Variants in SYNE3 observed in about 807,000 individuals in gnomAD.
The protein encoded by SYNE3 is spectrin repeat containing nuclear envelope family member 3, also known as nesprin-3.
A neutral mutation model predicts 111.2 loss-of-function variants in SYNE3; 100 were observed. The observed-to-expected ratio is 0.90, with a 90% CI of 0.77 to 1.06. The LOEUF (loss-of-function observed/expected upper bound fraction) is 1.06. SYNE3 is among the 50% of genes least tolerant of loss of function. The pLI, the probability that SYNE3 is intolerant of heterozygous loss-of-function variation, is 0.00. For missense variants in SYNE3, 1,160 were observed against 1,240.3 expected (o/e 0.94, Z 0.97); for synonymous variants, 547 against 533.9 (o/e 1.02, Z -0.34).
Position 95,457,302 on chromosome 14 carries a change from G to A in SYNE3, c.664C>T (p.His222Tyr), listed in dbSNP as rs547667137. The stretch of plus-strand genomic sequence containing the variant: ...TCCACACCTGCCTGGTACTCCTCAT[G>A]CTCCCGGGCCACCTGCTCCAGCAGA... The part of the protein sequence containing the change: ...VDLLEQVARE[H>Y]EEYQAGVDEF... Residue 222 changes from histidine (H) to tyrosine (Y), a missense_variant, in exon 5 of 18, where the codon CAT (histidine) becomes TAT (tyrosine). Physicochemically the swap from His to Tyr is moderately conservative, Grantham distance 83 (BLOSUM62 2). Transcript: ENST00000682763. 2.9e-5 allele frequency: 47 copies of A among 1,609,882 alleles called. No homozygotes were observed. The South Asian group carries it at 5.2e-4, about 18-fold the overall frequency.
chr14:95,408,871 G>GC lies in SYNE3; in HGVS notation c.*8954dup, dbSNP rs1903355868. The GC allele has an allele frequency of 2.9e-6, 1 of 339,562 alleles. No homozygotes were observed. Among genetic ancestry groups the GC allele is most frequent in the Non-Finnish European group, 5.8e-6 (1 of 171,478 alleles). The allele number at this position is 339,562 out of a possible 1,614,324, so 21.0% of individuals were successfully genotyped here. A position where few individuals can be genotyped will look rare whatever the true frequency, so the allele number is the denominator to read the frequency against. On this transcript the variant is annotated 3_prime_UTR_variant, in exon 18 of 18. Transcript: ENST00000682763. The stretch of plus-strand genomic sequence containing the variant: ...GCAAAGCCAACTCTGTCCTCTGCCT[G>GC]CCCCCGCAAGGGCTGGCCTGTCCGT...
intron 5 of SYNE3, among the ~76,000 whole-genome samples, chr14:95,456,617 C>G (rs1389457785): frequency 1.3e-5 from 2 of 152,186 alleles, no homozygotes; most frequent in African/African-American, 4.8e-5. Flanking sequence ...GACCCACCAG[C>G]CTAGACCATG....
At position 95,408,152 on chromosome 14, in the gene SYNE3, G is replaced by A. The variant is rs1337133028; in HGVS notation, c.*9674C>T. 6.6e-6 allele frequency: 1 copy of A among 152,140 alleles called. No homozygotes were observed. Among genetic ancestry groups the A allele is most frequent in the African/African-American group, 2.4e-5 (1 of 41,424 alleles). The allele number at this position is 152,140 out of a possible 1,614,324, so 9.4% of individuals were successfully genotyped here. A position where few individuals can be genotyped will look rare whatever the true frequency, so the allele number is the denominator to read the frequency against. On this transcript the variant is annotated 3_prime_UTR_variant, in exon 18 of 18. Coordinates refer to ENST00000682763, the MANE Select transcript of SYNE3 (RefSeq NM_152592.6). ...ACCTGCTGCCTCCAGGATGGGTTCT[G>A]AGGAGACATGGGGCCCTCCCATGGG...
intron 4 of SYNE3, among the ~76,000 whole-genome samples, chr14:95,461,165 C>G (rs1055197991): frequency 6.6e-6 from 1 of 152,200 alleles, no homozygotes; most frequent in Non-Finnish European, 1.5e-5. Context: ...AATGTCAAAA[C>G]CTAACCAATT....
chr14:95,461,049 C>CAGA (rs1198834744), intron 4 of SYNE3, among the ~76,000 whole-genome samples: 1 of 152,228 alleles, frequency 6.6e-6, no homozygotes, highest in Admixed American at 6.5e-5. Flanking sequence ...AGTCACAGGG[C>CAGA]AGAATCCAGC....
intron 17 of SYNE3, among the ~76,000 whole-genome samples, chr14:95,424,575 G>A (rs1251774104): frequency 6.6e-6 from 1 of 152,176 alleles, no homozygotes; most frequent in Non-Finnish European, 1.5e-5. Context: ...TTAACTGATG[G>A]TCAGAGTGAG....
rs1888290064 is a variant in SYNE3, at chr14:95,467,889, A to C, written c.223T>G (p.Cys75Gly). The change falls in exon 3 of 18, where the codon TGC becomes GGC. Residue 75 changes from cysteine to glycine, a missense_variant. Physicochemically the swap from Cys to Gly is radical, Grantham distance 159 (BLOSUM62 -3). Transcript: ENST00000682763. The part of the protein sequence containing the change: ...LRMAEALLAC[C>G]PGDQKPGILA... ...ATCCCGGGCTTCTGGTCCCCAGGGC[A>C]GCATGCCAAGAGGGCTTCAGCCATC... The C allele has an allele frequency of 6.2e-7, 1 of 1,614,106 alleles. No homozygotes were observed. Among genetic ancestry groups the C allele is most frequent in the African/African-American group, 1.3e-5 (1 of 74,944 alleles).
At chr14:95,458,615 A>G (rs777704096) in intron 4 of SYNE3, among the ~76,000 whole-genome samples, 3 of 152,200 alleles carry the variant, frequency 2.0e-5, no homozygotes, top group Non-Finnish European at 4.4e-5. Flanking sequence ...GGCTGAATTA[A>G]CAGCCTTCCT....
At chr14:95,481,562 C>T (rs1006398844) in intron 1 of SYNE3, among the ~76,000 whole-genome samples, 1 of 152,216 alleles carries the variant, frequency 6.6e-6, no homozygotes, top group South Asian at 2.1e-4. Flanking sequence ...GGAGACACCA[C>T]CCAGGGCGGA....
rs368502705 is a variant in SYNE3 at position 95,452,823 on chromosome 14, CTG to C, written c.1138-442_1138-441del. 3.7e-4 allele frequency among the ~76,000 whole-genome samples: 57 copies of C among 152,370 alleles called. 1 individual carries two copies. The South Asian group carries it at 0.011, about 29-fold the overall frequency. On this transcript the variant is annotated intron_variant, in intron 6 of 17. Transcript: ENST00000682763. ...AAGAGCTCTCTGACGGTTGCAGAGTCTGTAGATGGTGGACCGGACATCAGAGC... is the reference window on the plus strand; with the variant it reads ...AAGAGCTCTCTGACGGTTGCAGAGTCTAGATGGTGGACCGGACATCAGAGC...
At chr14:95,418,708 A>G (rs535892996) in intron 17 of SYNE3, among the ~76,000 whole-genome samples, 4 of 151,584 alleles carry the variant, frequency 2.6e-5, no homozygotes, top group South Asian at 2.1e-4. Flanking sequence ...GGTTCAATCA[A>G]TTATCTCCCT....
chr14:95,444,894 C>T (rs867160708), intron 9 of SYNE3, among the ~76,000 whole-genome samples: 9 of 152,320 alleles, frequency 5.9e-5, no homozygotes, highest in Middle Eastern at 3.4e-3. Context: ...CCAAATCCCA[C>T]CAGAGGCCTG....
At chr14:95,437,035 T>C (rs1412296540) in intron 14 of SYNE3, 54 bp from the exon 15 acceptor site, 12 of 1,608,094 alleles carry the variant, frequency 7.5e-6, no homozygotes, top group East Asian at 2.2e-5. Context: ...CCCCTGGCCA[T>C]GTGTCCTGGG....
At chr14:95,428,818 G>A (rs1294153817) in intron 17 of SYNE3, among the ~76,000 whole-genome samples, 2 of 152,218 alleles carry the variant, frequency 1.3e-5, no homozygotes, top group African/African-American at 2.4e-5. Flanking sequence ...TAATTATTCT[G>A]TTGATACAAA....
intron 13 of SYNE3, among the ~76,000 whole-genome samples, 178 bp from the exon 14 acceptor site, chr14:95,439,340 C>A (rs114698203): frequency 1.6e-3 from 238 of 152,370 alleles, no homozygotes; most frequent in African/African-American, 4.5e-3. Context: ...TCAGAGTAAC[C>A]TGTCATGAAC....
rs1213647446 is a variant in SYNE3, at chr14:95,500,052, G to A, written c.-15+16544C>T. Among the ~76,000 whole-genome samples, 1 of 151,962 alleles carries A rather than the reference G, an allele frequency of 6.6e-6. No individual in the cohort carries two copies. The highest frequency in any genetic ancestry group is 1.5e-5 in the Non-Finnish European group (1 of 67,994). ...TTTTTTTATTTTTAGTAGAGACGGA[G>A]TTTCACCATGTTGGTCAGGCTGGTC... On this transcript the variant is annotated intron_variant, in intron 1 of 17. Coordinates refer to ENST00000682763, the MANE Select transcript of SYNE3 (RefSeq NM_152592.6). This position sits in a 1 kb window ranked among gnomAD's most constrained non-coding sequence, Gnocchi z 4.7.
intron 5 of SYNE3, among the ~76,000 whole-genome samples, chr14:95,456,622 A>T (rs1444647139): frequency 6.6e-6 from 1 of 152,088 alleles, no homozygotes; most frequent in African/African-American, 2.4e-5. Flanking sequence ...ACCAGCCTAG[A>T]CCATGCTTCT....
intron 5 of SYNE3, among the ~76,000 whole-genome samples, chr14:95,456,839 C>T (rs932129082): frequency 5.9e-5 from 9 of 152,120 alleles, no homozygotes; most frequent in Non-Finnish European, 1.2e-4. Context: ...AATCGCAGCA[C>T]TTTGGGAGCC....
intron 1 of SYNE3, among the ~76,000 whole-genome samples, chr14:95,478,678 A>G (rs1889039582): frequency 6.6e-6 from 1 of 152,194 alleles, no homozygotes; most frequent in African/African-American, 2.4e-5. Context: ...CTCTTCCTGT[A>G]AAGGGTCAGG....
Sources: gnomAD v4.1 joint callset for allele counts (sites outside exome capture counted in the v4.1 genomes callset) on GRCh38, gnomAD v4.1.1 for gene constraint, Gnocchi (gnomAD v3.1) non-coding constraint, MANE v1.5 for transcripts, NCBI Gene and HGNC (gene_info 2026-07-23, HGNC 2026-07-21) for gene names.